The following JARID2 variants were observed in gnomAD, a reference collection of about 807,000 sequenced individuals.
JARID2 encodes the protein protein Jumonji.
A neutral mutation model predicts 125.6 loss-of-function variants in JARID2; 21 were observed. The observed-to-expected ratio is 0.17, with a 90% confidence interval of 0.12 to 0.24. The LOEUF is 0.24. Among genes scored for constraint, JARID2 ranks in the 10% least tolerant of loss-of-function variants. The probability of loss-of-function intolerance (pLI) is 1.00; values close to 1 mark genes in which losing one functional copy is unlikely to be tolerated. For synonymous variants in JARID2, 736 were observed against 661.6 expected, an observed-to-expected ratio of 1.11 and a Z score of -1.73; for missense variants, 1,303 against 1,639.6, an observed-to-expected ratio of 0.79 and a Z score of 3.55.
At chr6:15,276,522 A>G (rs1035861062) in intron 1 of JARID2, among the ~76,000 whole-genome samples, 15 of 152,196 alleles carry the variant, frequency 9.9e-5, no homozygotes, top group Admixed American at 9.8e-4. Context: ...TACTACTGGA[A>G]TAGTCCTTCC....
At chr6:15,329,943 G>C (rs753404715) in intron 1 of JARID2, among the ~76,000 whole-genome samples, 25 of 152,176 alleles carry the variant, frequency 1.6e-4, no homozygotes, top group Non-Finnish European at 3.1e-4. Context: ...CATTGAAATA[G>C]ATGTTCAGCA....
chr6:15,491,272 A>T (rs1257951096), intron 6 of JARID2, among the ~76,000 whole-genome samples: 1 of 152,222 alleles, frequency 6.6e-6, no homozygotes. Flanking sequence ...GAGAGGTTAT[A>T]GGTACATCTA....
intron 7 of JARID2, 29 bp downstream of exon 7, chr6:15,497,199 G>T (rs1277414433): frequency 1.3e-6 from 2 of 1,486,276 alleles, no homozygotes; most frequent in East Asian, 5.0e-5. Flanking sequence ...TCAGGGGGTG[G>T]TGCCTGCCCT....
intron 5 of JARID2, among the ~76,000 whole-genome samples, chr6:15,478,752 C>G (rs893617065): frequency 2.0e-5 from 3 of 152,062 alleles, no homozygotes; most frequent in Non-Finnish European, 4.4e-5. Flanking sequence ...TCACTGCAGT[C>G]TCCACCTCCC....
At chr6:15,327,544 TG>T (rs1409257818) in intron 1 of JARID2, among the ~76,000 whole-genome samples, 2 of 151,140 alleles carry the variant, frequency 1.3e-5, no homozygotes, top group East Asian at 1.9e-4. Flanking sequence ...TGTGTGTGTG[TG>T]TGTGTGCGCG....
intron 1 of JARID2, among the ~76,000 whole-genome samples, chr6:15,341,964 T>C (rs1433877356): frequency 2.0e-5 from 3 of 152,136 alleles, no homozygotes; most frequent in Non-Finnish European, 4.4e-5. Flanking sequence ...ACAAGAGCAA[T>C]ATATTTTTAT....
chr6:15,340,614 CT>C (rs2075447727), intron 1 of JARID2, among the ~76,000 whole-genome samples: 1 of 152,158 alleles, frequency 6.6e-6, no homozygotes, highest in Non-Finnish European at 1.5e-5. Context: ...TTGGGGCAGA[CT>C]TTTATTCATT....
intron 1 of JARID2, among the ~76,000 whole-genome samples, chr6:15,310,485 G>C (rs1187069258): frequency 6.6e-6 from 1 of 152,188 alleles, no homozygotes; most frequent in Non-Finnish European, 1.5e-5. Flanking sequence ...ATTAAACAAG[G>C]ATGGCCCTGA....
chr6:15,489,749 C>T (rs1770056399), intron 6 of JARID2, among the ~76,000 whole-genome samples: 1 of 152,194 alleles, frequency 6.6e-6, no homozygotes, highest in African/African-American at 2.4e-5. Context: ...TGAGTTAGTG[C>T]AGGAGTTTCA....
Position 15,512,295 on chromosome 6 carries a change from T to A in JARID2, c.3040T>A (p.Ser1014Thr). 6.2e-7 allele frequency: 1 copy of A among 1,614,136 alleles called. No homozygotes were observed. Among genetic ancestry groups the A allele is most frequent in the Non-Finnish European group, 8.5e-7 (1 of 1,180,018 alleles). The part of the protein sequence containing the change: ...SGQFVVCFPG[S>T]FVSKVCCGYS... ...CCAGTTTGTCGTCTGCTTCCCGGGA[T>A]CCTTTGTGTCCAAAGTGTGCTGTGG... The change falls in exon 14 of 18, where the codon TCC (serine) becomes ACC (threonine). Residue 1014 changes from serine to threonine, a missense_variant. Physicochemically the swap from Ser to Thr is moderately conservative, Grantham distance 58. Transcript: ENST00000341776.
chr6:15,297,458 G>T (rs992128649), intron 1 of JARID2, among the ~76,000 whole-genome samples: 8 of 151,464 alleles, frequency 5.3e-5, no homozygotes, highest in Admixed American at 5.3e-4. Flanking sequence ...ATAAGTCAGG[G>T]TCCTTTCCCA....
intron 1 of JARID2, among the ~76,000 whole-genome samples, chr6:15,324,198 G>GA (rs765988530): frequency 0.01 from 1,411 of 140,064 alleles, 20 homozygotes; most frequent in African/African-American, 0.029. Flanking sequence ...AAAAAAACTG[G>GA]AAAAAAAAAA....
intron 1 of JARID2, among the ~76,000 whole-genome samples, chr6:15,261,229 C>T (rs1418384309): frequency 6.6e-6 from 1 of 151,958 alleles, no homozygotes; most frequent in East Asian, 1.9e-4. Context: ...TGTCACTTTG[C>T]TCAGGCATTA....
chr6:15,247,802 C>A, intron 1 of JARID2: 1 of 985,354 alleles, frequency 1.0e-6, no homozygotes, highest in South Asian at 4.7e-5. Flanking sequence ...AATAATCAAG[C>A]CCAACTTAGA....
At chr6:15,490,490 T>G (rs1038856474) in intron 6 of JARID2, among the ~76,000 whole-genome samples, 6 of 152,142 alleles carry the variant, frequency 3.9e-5, no homozygotes, top group Non-Finnish European at 8.8e-5. Context: ...AACCCGAGAG[T>G]TAGAACACAC....
intron 1 of JARID2, among the ~76,000 whole-genome samples, chr6:15,303,994 G>A (rs932424070): frequency 3.9e-5 from 6 of 152,284 alleles, no homozygotes; most frequent in Non-Finnish European, 8.8e-5. Context: ...CTCTAGGCAC[G>A]TTGCTTATGT....
chr6:15,288,131 C>G (rs1190079449), intron 1 of JARID2, among the ~76,000 whole-genome samples: 1 of 152,124 alleles, frequency 6.6e-6, no homozygotes, highest in African/African-American at 2.4e-5. Context: ...TTGGATTGCT[C>G]TAAGGAATAC....
intron 1 of JARID2, among the ~76,000 whole-genome samples, chr6:15,314,022 C>G (rs1013922071): frequency 1.3e-5 from 2 of 152,108 alleles, no homozygotes; most frequent in African/African-American, 4.8e-5. Flanking sequence ...GCATCTGGAC[C>G]CAAGGCCCAA....
At position 15,496,639 on chromosome 6, in the gene JARID2, A is replaced by G. The variant is rs540503361; in HGVS notation, c.1414A>G (p.Lys472Glu). The G allele has an allele frequency of 6.2e-7, 1 of 1,611,094 alleles. No homozygotes were observed. Among genetic ancestry groups the G allele is most frequent in the East Asian group, 2.2e-5 (1 of 44,856 alleles). ...GAAGPAEGPG[K>E]KAPAERGLLN... ...GGCTGGCCCCGCCGAAGGCCCTGGC[A>G]AGAAGGCCCCGGCCGAGAGAGGTCT... Residue 472 changes from lysine to glutamate, a missense_variant, in exon 7 of 18, where the codon AAG becomes GAG. This residue lies in a region of JARID2 where 651 missense variants were observed against 581.6 expected (regional missense o/e 1.12). Transcript: ENST00000341776.
Sources: allele counts gnomAD v4.1 joint callset (sites outside exome capture counted in the v4.1 genomes callset), GRCh38; gene constraint gnomAD v4.1.1; regional missense constraint gnomAD v4.1.1; transcripts MANE v1.5; gene names NCBI Gene and HGNC (gene_info 2026-07-23, HGNC 2026-07-21).